The following TMEM183A variants were observed in gnomAD, a reference collection of about 807,000 sequenced individuals.
TMEM183A encodes chromosome 1 open reading frame 37.
Under a neutral mutation model 46.7 loss-of-function variants are expected in TMEM183A, and 21 were observed. That is an observed-to-expected ratio of 0.45 (90% CI 0.32 to 0.65). The LOEUF (loss-of-function observed/expected upper bound fraction) is 0.65. Ranked by LOEUF, TMEM183A falls within the 30% of genes least tolerant of loss-of-function variation. TMEM183A has a pLI of 0.04. For missense variants in TMEM183A, 331 were observed against 481.9 expected (o/e 0.69, Z 2.93); for synonymous variants, 165 against 180.2 (o/e 0.92, Z 0.68).
chr1:203,010,409 A>G (rs755856331), intron 3 of TMEM183A, among the ~76,000 whole-genome samples: 2 of 152,206 alleles, frequency 1.3e-5, no homozygotes, highest in Non-Finnish European at 2.9e-5. Flanking sequence ...TTTTGGAGCA[A>G]TGACATGATG....
intron 6 of TMEM183A, among the ~76,000 whole-genome samples, chr1:203,019,928 T>C (rs1657506915): frequency 7.0e-6 from 1 of 143,238 alleles, no homozygotes; most frequent in African/African-American, 2.6e-5. Context: ...AATAGGTTTA[T>C]GGGTTTCTCT....
At chr1:203,014,014 A>G (rs1338045757) in intron 3 of TMEM183A, among the ~76,000 whole-genome samples, 6 of 152,124 alleles carry the variant, frequency 3.9e-5, no homozygotes, top group Admixed American at 2.6e-4. Context: ...TGGCCTCCCA[A>G]AGTGCTGGGA....
chr1:203,020,771 A>G (rs777833327), intron 6 of TMEM183A, 22 bp from the exon 7 acceptor site: 2 of 1,613,480 alleles, frequency 1.2e-6, no homozygotes, highest in South Asian at 2.2e-5. Flanking sequence ...AAGCCATTGG[A>G]TTAATTCTCA....
In TMEM183A at chr1:203,018,576, C is replaced by G. The variant is rs759040318; in HGVS notation, c.789+15C>G. 3.0e-5 allele frequency: 48 copies of G among 1,611,314 alleles called. No homozygotes were observed. In the East Asian group the frequency reaches 1.0e-3, roughly 34 times the overall value. ...TCAAAAAACAGGTACGTGGTCTTCT[C>G]TTTGTTTTTCAGATAATACCTTGTT... On this transcript the variant is annotated intron_variant, in intron 6 of 7. Coordinates refer to ENST00000367242, the MANE Select transcript of TMEM183A (RefSeq NM_138391.6).
chr1:203,020,906 T>C lies in TMEM183A; in HGVS notation c.903T>C (p.Asn301=). ...DCCLLQVTTL[N]FIFIPIVMGM... Reference sequence around the variant, plus strand: ...GCCTACTGCAGGTCACCACCCTCAATTTCATCTTTATTCCGATTGTCATGG... The same window carrying C: ...GCCTACTGCAGGTCACCACCCTCAACTTCATCTTTATTCCGATTGTCATGG... The change falls in exon 7 of 8, where the codon AAT becomes AAC. Residue 301 remains asparagine (N), a synonymous_variant. Coordinates refer to ENST00000367242, the MANE Select transcript of TMEM183A (RefSeq NM_138391.6). 1 of 1,612,976 alleles carries C rather than the reference T, an allele frequency of 6.2e-7. No individual in the cohort carries two copies.
At chr1:203,022,541 A>G (rs1657795397) in intron 7 of TMEM183A, among the ~76,000 whole-genome samples, 1 of 151,982 alleles carries the variant, frequency 6.6e-6, no homozygotes, top group South Asian at 2.1e-4. Context: ...TGTCTCTACT[A>G]AAAATACAAA....
Position 203,019,791 on chromosome 1 carries a change from T to C in TMEM183A, c.790-1002T>C, listed in dbSNP as rs992434741. The stretch of plus-strand genomic sequence containing the variant: ...GGAAAAATTATGCCAGAGGCACATA[T>C]ATTGTTTACTAATCTGATTACTGTC... On this transcript the variant is annotated intron_variant, in intron 6 of 7. Coordinates refer to ENST00000367242, the MANE Select transcript of TMEM183A (RefSeq NM_138391.6). Among the ~76,000 whole-genome samples, 9 of 152,154 alleles carry C rather than the reference T, an allele frequency of 5.9e-5. No homozygotes were observed. In the South Asian group the frequency reaches 6.2e-4, roughly 11 times the overall value.
At chr1:203,012,268 C>CACACACACACAT (rs1212238460) in intron 3 of TMEM183A, among the ~76,000 whole-genome samples, 4 of 149,342 alleles carry the variant, frequency 2.7e-5, no homozygotes, top group East Asian at 3.9e-4. Context: ...CACACACACA[C>CACACACACACAT]ACACACACAC....
In TMEM183A at chr1:203,012,268, C is replaced by CACACACACACACACACACACACACAT. The variant is rs1212238460; in HGVS notation, c.368-2611_368-2610insACACACACACACACATACACACACAC. The stretch of plus-strand genomic sequence containing the variant: ...ACACACACACACACACACACACACA[C>CACACACACACACACACACACACACAT]ACACACACACGGTTATTTTGAAACA... On this transcript the variant is annotated intron_variant, in intron 3 of 7. Transcript: ENST00000367242. Among the ~76,000 whole-genome samples, 16 of 149,450 alleles carry CACACACACACACACACACACACACAT rather than the reference C, an allele frequency of 1.1e-4. No individual in the cohort carries two copies. In the South Asian group the frequency reaches 1.3e-3, roughly 12 times the overall value.
intron 3 of TMEM183A, among the ~76,000 whole-genome samples, chr1:203,009,995 G>T (rs1047937297): frequency 6.6e-6 from 1 of 151,936 alleles, no homozygotes; most frequent in Non-Finnish European, 1.5e-5. Flanking sequence ...TTAGCTGGGC[G>T]TGGTGGTGTG....
chr1:203,015,858 A>G, intron 4 of TMEM183A, 102 bp from the exon 5 acceptor site: 1 of 1,430,484 alleles, frequency 7.0e-7, no homozygotes, highest in Non-Finnish European at 9.4e-7. Flanking sequence ...GGCCAGTGGA[A>G]TAGTGCAGTA....
intron 5 of TMEM183A, among the ~76,000 whole-genome samples, chr1:203,017,078 G>A (rs1355499015): frequency 1.3e-5 from 2 of 152,124 alleles, no homozygotes; most frequent in Non-Finnish European, 2.9e-5. Context: ...GATTATCGAG[G>A]TTCCCCCCAG....
chr1:203,012,913 A>G (rs1656804825), intron 3 of TMEM183A, among the ~76,000 whole-genome samples: 2 of 152,118 alleles, frequency 1.3e-5, no homozygotes, highest in Admixed American at 6.5e-5. Flanking sequence ...AGTTTTTTGT[A>G]GAGACTGTGT....
rs958747847 is a variant in TMEM183A, at chr1:203,008,262, A to G, written c.200-381A>G. On this transcript the variant is annotated intron_variant, in intron 2 of 7. Coordinates refer to ENST00000367242, the MANE Select transcript of TMEM183A (RefSeq NM_138391.6). Reference sequence around the variant, plus strand: ...CTGAGACTTGTGTTTTATGACACCTACTGCCTCCAGCTCAGGACCAGGATT... The same window carrying G: ...CTGAGACTTGTGTTTTATGACACCTGCTGCCTCCAGCTCAGGACCAGGATT... Among the ~76,000 whole-genome samples the G allele has an allele frequency of 2.0e-5, 3 of 152,232 alleles. No homozygotes were observed. In the South Asian group the frequency reaches 6.2e-4, roughly 32 times the overall value.
intron 3 of TMEM183A, among the ~76,000 whole-genome samples, chr1:203,012,111 A>G (rs1656659121): frequency 6.8e-6 from 1 of 146,738 alleles, no homozygotes; most frequent in Non-Finnish European, 1.5e-5. Context: ...CTGTCAACTC[A>G]CGGCCATTTT....
chr1:203,023,238 G>A lies in TMEM183A; in HGVS notation c.*198G>A, dbSNP rs1394228222. On this transcript the variant is annotated 3_prime_UTR_variant, in exon 8 of 8. Coordinates refer to ENST00000367242, the MANE Select transcript of TMEM183A (RefSeq NM_138391.6). ...CTATGATTTATAAACATATTTTAATGTAAAAATTTGCATTTAAAAGGAGTG... is the reference window on the plus strand; with the variant it reads ...CTATGATTTATAAACATATTTTAATATAAAAATTTGCATTTAAAAGGAGTG... 5.0e-5 allele frequency: 30 copies of A among 599,172 alleles called. No homozygotes were observed. The highest frequency in any genetic ancestry group is 1.0e-5 in the Non-Finnish European group (4 of 391,798). The allele number at this position is 599,172 out of a possible 1,614,324, so 37.1% of individuals were successfully genotyped here.
At chr1:203,011,969 C>T (rs979010033) in intron 3 of TMEM183A, among the ~76,000 whole-genome samples, 6 of 148,510 alleles carry the variant, frequency 4.0e-5, no homozygotes, top group South Asian at 2.2e-4. Context: ...TTTAATGAAA[C>T]ATGTAGAAGA....
intron 2 of TMEM183A, among the ~76,000 whole-genome samples, chr1:203,008,102 A>G (rs1212281535): frequency 6.6e-6 from 1 of 152,116 alleles, no homozygotes; most frequent in South Asian, 2.1e-4. Flanking sequence ...TTTCCACTGC[A>G]TTCTTCTTGG....
intron 3 of TMEM183A, 93 bp downstream of exon 3, chr1:203,008,903 A>C: frequency 7.4e-7 from 1 of 1,349,412 alleles, no homozygotes; most frequent in Non-Finnish European, 9.7e-7. Context: ...GAGATATAAG[A>C]CGTGATACCA....
Sources: gnomAD v4.1 joint callset for allele counts (sites outside exome capture counted in the v4.1 genomes callset) on GRCh38, gnomAD v4.1.1 for gene constraint, MANE v1.5 for transcripts, NCBI Gene and HGNC (gene_info 2026-07-23, HGNC 2026-07-21) for gene names.